ZMIZ1: variants seen among roughly 807,000 people sequenced by gnomAD.
ZMIZ1 encodes the protein zinc finger MIZ-type containing 1, also known as zinc finger MIZ domain-containing protein 1.
A neutral mutation model predicts 113.9 loss-of-function variants in ZMIZ1; 17 were observed. That is an observed-to-expected ratio of 0.15 (90% confidence interval 0.10 to 0.22). ZMIZ1 has a LOEUF of 0.22. Among genes scored for constraint, ZMIZ1 ranks in the 10% least tolerant of loss-of-function variants. The pLI, the probability that ZMIZ1 is intolerant of heterozygous loss-of-function variation, is 1.00. For synonymous variants in ZMIZ1, 607 were observed against 603.1 expected, an observed-to-expected ratio of 1.01 and a Z score of -0.09; for missense variants, 1,059 against 1,477.8, an observed-to-expected ratio of 0.72 and a Z score of 4.65.
chr10:79,316,275 CA>C lies in ZMIZ1; in HGVS notation c.*3532del, dbSNP rs1392722223. The C allele has an allele frequency of 6.6e-6, 1 of 152,526 alleles. No homozygotes were observed. The highest frequency in any genetic ancestry group is 1.9e-4 in the East Asian group (1 of 5,334). The allele number at this position is 152,526 out of a possible 1,614,324, so 9.4% of individuals were successfully genotyped here. Reference sequence around the variant, plus strand: ...CAATCATTTCATACTTTAAACTGGTCAAAAAACTAATTGTGATTTCTAGTCT... The same window carrying C: ...CAATCATTTCATACTTTAAACTGGTCAAAAACTAATTGTGATTTCTAGTCT... On this transcript the variant is annotated 3_prime_UTR_variant, in exon 25 of 25. Coordinates refer to ENST00000334512, the MANE Select transcript of ZMIZ1 (RefSeq NM_020338.4).
intron 1 of ZMIZ1, among the ~76,000 whole-genome samples, chr10:79,108,677 G>A (rs1843637942): frequency 6.6e-6 from 1 of 152,060 alleles, no homozygotes; most frequent in South Asian, 2.1e-4. Context: ...ACAGATCGTG[G>A]GTCAGGGCCT....
At chr10:79,188,658 C>T (rs896629676) in intron 4 of ZMIZ1, among the ~76,000 whole-genome samples, 8 of 151,038 alleles carry the variant, frequency 5.3e-5, no homozygotes, top group African/African-American at 1.7e-4. Context: ...GTCTTTTACC[C>T]AGCCAGCTGG....
At chr10:79,096,196 T>C (rs1361471751) in intron 1 of ZMIZ1, among the ~76,000 whole-genome samples, 1 of 152,006 alleles carries the variant, frequency 6.6e-6, no homozygotes, top group Non-Finnish European at 1.5e-5. Context: ...GAAGGACAAA[T>C]GTTTGCACAA....
chr10:79,182,737 C>T (rs557490205), intron 4 of ZMIZ1, among the ~76,000 whole-genome samples: 1 of 152,342 alleles, frequency 6.6e-6, no homozygotes, highest in South Asian at 2.1e-4. Context: ...AATCAGACTG[C>T]CTGCCTTCCG....
At chr10:79,293,728 C>T in intron 12 of ZMIZ1, 75 bp downstream of exon 12, 1 of 1,605,886 alleles carries the variant, frequency 6.2e-7, no homozygotes, top group Non-Finnish European at 8.5e-7. Context: ...GTGGGTACGG[C>T]TTTGGAAGGG....
At chr10:79,160,141 C>G (rs1846051776) in intron 3 of ZMIZ1, among the ~76,000 whole-genome samples, 1 of 152,258 alleles carries the variant, frequency 6.6e-6, no homozygotes, top group Non-Finnish European at 1.5e-5. Context: ...GTCACTGACT[C>G]ACTGCATGAC....
chr10:79,123,926 C>T (rs1460328608), intron 2 of ZMIZ1, among the ~76,000 whole-genome samples: 1 of 152,250 alleles, frequency 6.6e-6, no homozygotes, highest in African/African-American at 2.4e-5. Context: ...TGTCAATCTT[C>T]AGCGCCAGCT....
chr10:79,107,198 T>G (rs1843589988), intron 1 of ZMIZ1, among the ~76,000 whole-genome samples: 1 of 152,200 alleles, frequency 6.6e-6, no homozygotes, highest in Admixed American at 6.5e-5. Context: ...CACTTCACTG[T>G]CCACTTACAA....
At position 79,139,679 on chromosome 10, in the gene ZMIZ1, C is replaced by T. The variant is rs1423906753; in HGVS notation, c.-226-3C>T. 1.0e-5 allele frequency: 4 copies of T among 398,668 alleles called. No homozygotes were observed. Among genetic ancestry groups the T allele is most frequent in the Non-Finnish European group, 1.8e-5 (4 of 226,116 alleles). The allele number at this position is 398,668 out of a possible 1,614,324, so 24.7% of individuals were successfully genotyped here. ...ACGTCTCATCTCTCCCCTGTGTACC[C>T]AGGAGGAAGAGGAGGAGGCCCGTTG... is the stretch of plus-strand genomic sequence containing the variant. On this transcript the variant is annotated splice_polypyrimidine_tract_variant and splice_region_variant and intron_variant, in intron 2 of 24. Transcript: ENST00000334512.
intron 1 of ZMIZ1, among the ~76,000 whole-genome samples, chr10:79,102,534 G>A (rs1843402881): frequency 6.6e-6 from 1 of 152,246 alleles, no homozygotes; most frequent in Admixed American, 6.5e-5. Flanking sequence ...GACAGGATGT[G>A]GTTTTCAAAG....
chr10:79,076,591 T>C (rs763853814), intron 1 of ZMIZ1, among the ~76,000 whole-genome samples: 1 of 152,188 alleles, frequency 6.6e-6, no homozygotes, highest in Non-Finnish European at 1.5e-5. Flanking sequence ...ATCTCAGCAC[T>C]CTGGGAGGCC....
At chr10:79,235,207 G>A (rs948389699) in intron 7 of ZMIZ1, among the ~76,000 whole-genome samples, 3 of 152,198 alleles carry the variant, frequency 2.0e-5, no homozygotes, top group East Asian at 1.9e-4. Flanking sequence ...GAAGGAAGCC[G>A]CTGGCTCCCC....
chr10:79,251,696 G>A (rs1850565552), intron 7 of ZMIZ1, among the ~76,000 whole-genome samples: 1 of 152,362 alleles, frequency 6.6e-6, no homozygotes, highest in East Asian at 1.9e-4. Context: ...GGCTCACTCA[G>A]TGTTTGCTGA....
At chr10:79,097,789 G>T (rs1843221471) in intron 1 of ZMIZ1, among the ~76,000 whole-genome samples, 1 of 152,048 alleles carries the variant, frequency 6.6e-6, no homozygotes, top group Non-Finnish European at 1.5e-5. Flanking sequence ...AGCATATGTG[G>T]TCTTCATGGC....
At chr10:79,276,035 C>T (rs1224859486) in intron 7 of ZMIZ1, among the ~76,000 whole-genome samples, 19 of 152,206 alleles carry the variant, frequency 1.2e-4, no homozygotes, top group Admixed American at 1.2e-3. Flanking sequence ...ACTTCCATAA[C>T]GCTCAGGTCA....
At position 79,288,360 on chromosome 10, in the gene ZMIZ1, G is replaced by T. The variant is rs964363390; in HGVS notation, c.426-1415G>T. On this transcript the variant is annotated intron_variant, in intron 8 of 24. Coordinates refer to ENST00000334512, the MANE Select transcript of ZMIZ1 (RefSeq NM_020338.4). ...ATCCCCAGTTGCCCTGGCTGCTAGG[G>T]TTGGACTGGCCACTCAGCTAGGGTA... Among the ~76,000 whole-genome samples the T allele has an allele frequency of 3.3e-5, 5 of 152,304 alleles. No individual in the cohort carries two copies. In the South Asian group the frequency reaches 8.3e-4, roughly 25 times the overall value.
At chr10:79,169,079 C>T (rs767968215) in intron 4 of ZMIZ1, among the ~76,000 whole-genome samples, 1 of 152,182 alleles carries the variant, frequency 6.6e-6, no homozygotes, top group Non-Finnish European at 1.5e-5. Flanking sequence ...TCTGTTGGAG[C>T]CTAGGGGAAC....
chr10:79,266,669 C>T (rs537857529), intron 7 of ZMIZ1, among the ~76,000 whole-genome samples: 2 of 152,236 alleles, frequency 1.3e-5, no homozygotes, highest in South Asian at 2.1e-4. Flanking sequence ...TCACTGCCCC[C>T]GGTCCGAGGA....
intron 3 of ZMIZ1, 82 bp from the exon 4 acceptor site, chr10:79,161,971 T>TG (rs1303109612): frequency 2.5e-6 from 1 of 398,808 alleles, no homozygotes; most frequent in Non-Finnish European, 4.4e-6. Context: ...GGGGATGATA[T>TG]GGTGGCAGTG....
Sources: allele counts gnomAD v4.1 joint callset (sites outside exome capture counted in the v4.1 genomes callset), GRCh38; gene constraint gnomAD v4.1.1; transcripts MANE v1.5; gene names NCBI Gene and HGNC (gene_info 2026-07-23, HGNC 2026-07-21).